Variants in MCTS1 observed in about 807,000 individuals in gnomAD.
MCTS1 encodes the protein MCTS1 re-initiation and release factor.
For synonymous variants in MCTS1, 26 were observed against 40.8 expected, an observed-to-expected ratio of 0.64 and a Z score of 1.38; for missense variants, 55 against 128.6, an observed-to-expected ratio of 0.43 and a Z score of 2.77.
At chrX:120,606,581 C>A (rs958122108) in intron 3 of MCTS1, among the ~76,000 whole-genome samples, 2 of 111,729 alleles carry the variant, frequency 1.8e-5, no homozygotes, top group Non-Finnish European at 3.8e-5. Context: ...ATCAGGAGTT[C>A]GAGACCAGCC....
chrX:120,610,536 C>A (rs1476814429), intron 4 of MCTS1, among the ~76,000 whole-genome samples: 1 of 111,804 alleles, frequency 8.9e-6, no homozygotes, highest in Non-Finnish European at 1.9e-5. Context: ...TTGCTTGAAC[C>A]CGGGAGGCAG....
Position 120,620,504 on chromosome X carries a change from C to T in MCTS1, c.*8240C>T, listed in dbSNP as rs1927000805. On this transcript the variant is annotated 3_prime_UTR_variant, in exon 6 of 6. Coordinates refer to ENST00000371317, the MANE Select transcript of MCTS1 (RefSeq NM_014060.3). ...AAAAAATTAGCCGGGCGTGGTGGCG[C>T]GTGCCTGTAATCCCAGCTACACAGG... is the stretch of plus-strand genomic sequence containing the variant. 1.0e-5 allele frequency: 1 copy of T among 100,231 alleles called. No homozygotes were observed. Among genetic ancestry groups the T allele is most frequent in the South Asian group, 4.7e-4 (1 of 2,146 alleles). The allele number at this position is 100,231 out of a possible 1,213,427, so 8.3% of individuals were successfully genotyped here. A position where few individuals can be genotyped will look rare whatever the true frequency, so the allele number is the denominator to read the frequency against.
chrX:120,607,564 G>C (rs1460154062), intron 3 of MCTS1, among the ~76,000 whole-genome samples: 1 of 110,895 alleles, frequency 9.0e-6, no homozygotes, highest in Non-Finnish European at 1.9e-5. Flanking sequence ...CCCCAGTTCA[G>C]ATTCCCCTAT....
chrX:120,609,564 A>AT (rs909219036), intron 4 of MCTS1, among the ~76,000 whole-genome samples: 1 of 111,744 alleles, frequency 8.9e-6, no homozygotes, highest in Admixed American at 9.5e-5. Context: ...TATAAGTAGT[A>AT]TGTTTATATT....
In MCTS1 at chrX:120,618,293, A is replaced by G. The variant is rs2147378767; in HGVS notation, c.*6029A>G. On this transcript the variant is annotated 3_prime_UTR_variant, in exon 6 of 6. Coordinates refer to ENST00000371317, the MANE Select transcript of MCTS1 (RefSeq NM_014060.3). ...TTTTTAGTTTCTCATGATGTGAAAG[A>G]TTTTGTATGCACGTCTTAGTCTGGA... Among the ~76,000 whole-genome samples the G allele has an allele frequency of 8.9e-6, 1 of 112,500 alleles. No homozygotes were observed. Among genetic ancestry groups the G allele is most frequent in the South Asian group, 3.6e-4 (1 of 2,767 alleles).
Position 120,617,121 on chromosome X carries a change from A to G in MCTS1, c.*4857A>G, listed in dbSNP as rs182803026. On this transcript the variant is annotated 3_prime_UTR_variant, in exon 6 of 6. Transcript: ENST00000371317. ...ACATCTTAATATCAATATATGCTAAATTGGTTTATCTTTAGGCAGAAACAG... is the reference window on the plus strand; with the variant it reads ...ACATCTTAATATCAATATATGCTAAGTTGGTTTATCTTTAGGCAGAAACAG... Among the ~76,000 whole-genome samples, 1 of 112,497 alleles carries G rather than the reference A, an allele frequency of 8.9e-6. No homozygotes were observed. The highest frequency in any genetic ancestry group is 2.8e-4 in the East Asian group (1 of 3,599).
At chrX:120,609,222 G>A (rs969273204) in intron 4 of MCTS1, among the ~76,000 whole-genome samples, 1 of 111,688 alleles carries the variant, frequency 9.0e-6, no homozygotes, top group Non-Finnish European at 1.9e-5. Flanking sequence ...TCGCTCTGTC[G>A]TCCAAGCTGG....
Position 120,620,851 on chromosome X carries a change from AAAAT to A in MCTS1, c.*8593_*8596del, listed in dbSNP as rs1927016529. On this transcript the variant is annotated 3_prime_UTR_variant, in exon 6 of 6. Coordinates refer to ENST00000371317, the MANE Select transcript of MCTS1 (RefSeq NM_014060.3). The stretch of plus-strand genomic sequence containing the variant: ...TTCCATTGCATTCAAGAAAATCAGA[AAAAT>A]AAATACAACTTTTAGAAGAAACTAA... 1 of 111,695 alleles carries A rather than the reference AAAAT, an allele frequency of 9.0e-6. No homozygotes were observed. Among genetic ancestry groups the A allele is most frequent in the Admixed American group, 9.6e-5 (1 of 10,467 alleles). 9.2% of individuals were successfully genotyped at this position (111,695 alleles called of 1,213,427 possible).
chrX:120,608,756 C>T (rs1243310760), intron 4 of MCTS1, among the ~76,000 whole-genome samples: 2 of 112,071 alleles, frequency 1.8e-5, no homozygotes, highest in Admixed American at 9.5e-5. Context: ...TACTGACATA[C>T]GTTGGAGTGA....
chrX:120,610,801 G>A (rs1926667784), intron 4 of MCTS1: 1 of 349,373 alleles, frequency 2.9e-6, no homozygotes, highest in Non-Finnish European at 5.0e-6. Flanking sequence ...GGGGTTATTA[G>A]ATTTATTCAT....
In MCTS1 at chrX:120,605,440, C is replaced by A. The variant is rs747315087; in HGVS notation, c.45C>A (p.Ile15=). ...FDEKENVSNC[I]QLKTSVIKGI... ...AAAAAGAAAATGTGTCCAACTGCAT[C>A]CAGTTGAAAACTTCAGTTATTAAGG... The change falls in exon 2 of 6, where the codon ATC becomes ATA. Residue 15 remains isoleucine, a synonymous_variant. Coordinates refer to ENST00000371317, the MANE Select transcript of MCTS1 (RefSeq NM_014060.3). 1 of 1,181,520 alleles carries A rather than the reference C, an allele frequency of 8.5e-7. No homozygotes were observed. The highest frequency in any genetic ancestry group is 1.1e-6 in the Non-Finnish European group (1 of 884,444).
intron 5 of MCTS1, among the ~76,000 whole-genome samples, chrX:120,611,720 A>G (rs1425261422): frequency 8.9e-6 from 1 of 112,394 alleles, no homozygotes; most frequent in Non-Finnish European, 1.9e-5. Flanking sequence ...GCACCTGGTC[A>G]TTACTGCTAG....
chrX:120,612,092 A>G (rs950394870), intron 5 of MCTS1, 91 bp from the exon 6 acceptor site: 3 of 702,204 alleles, frequency 4.3e-6, no homozygotes, highest in Non-Finnish European at 6.5e-6. Flanking sequence ...TAATAATTAA[A>G]AAATAACAAT....
At position 120,618,789 on chromosome X, in the gene MCTS1, T is replaced by C. The variant is rs1359855934; in HGVS notation, c.*6525T>C. On this transcript the variant is annotated 3_prime_UTR_variant, in exon 6 of 6. Transcript: ENST00000371317. ...TTCACAAGGTTAAAATTTTGTATTT[T>C]GTAAAGTGTCTGAAAAGGAGTCCAC... Among the ~76,000 whole-genome samples, 1 of 112,458 alleles carries C rather than the reference T, an allele frequency of 8.9e-6. No individual in the cohort carries two copies. Among genetic ancestry groups the C allele is most frequent in the Non-Finnish European group, 1.9e-5 (1 of 53,368 alleles).
At chrX:120,612,126 G>A (rs1926701053) in intron 5 of MCTS1, 57 bp from the exon 6 acceptor site, 10 of 846,866 alleles carry the variant, frequency 1.2e-5, no homozygotes, top group South Asian at 2.2e-5. Context: ...TATTTATCAC[G>A]AGTAAGACTA....
intron 1 of MCTS1, chrX:120,604,951 C>A: frequency 2.0e-6 from 2 of 1,022,501 alleles, no homozygotes; most frequent in Non-Finnish European, 2.6e-6. Context: ...AAAATCTCAG[C>A]AGATTACATA....
chrX:120,610,940 T>TGAC (rs1440516687), intron 4 of MCTS1, 71 bp from the exon 5 acceptor site: 9 of 1,091,610 alleles, frequency 8.2e-6, no homozygotes, highest in Non-Finnish European at 1.0e-5. Flanking sequence ...GATCATTATT[T>TGAC]GACACCCTTC....
rs186248794 is a variant in MCTS1, at chrX:120,606,162, G to A, written c.248G>A (p.Arg83Lys). 7.0e-5 allele frequency: 79 copies of A among 1,125,114 alleles called. No homozygotes were observed. The Admixed American group carries it at 1.8e-3, about 25-fold the overall frequency. The allele number at this position is 1,125,114 out of a possible 1,213,427, so 92.7% of individuals were successfully genotyped here. A position where few individuals can be genotyped will look rare whatever the true frequency, so the allele number is the denominator to read the frequency against. ...GAAGGGCCTTTTTATCCAACCCTAA[G>A]ATTACTTCACAAATGTAAGGTTTTT... ...QREGPFYPTLRLLHKYPFILP... is the reference protein window; with the variant it reads ...QREGPFYPTLKLLHKYPFILP... The change falls in exon 3 of 6, where the codon AGA becomes AAA. Residue 83 changes from arginine (R) to lysine (K), a missense_variant. By Grantham distance (26) the Arg-to-Lys change is conservative. Transcript: ENST00000371317.
rs1926872401 is a variant in MCTS1 at position 120,616,935 on chromosome X, A to G, written c.*4671A>G. Among the ~76,000 whole-genome samples the G allele has an allele frequency of 8.9e-6, 1 of 112,187 alleles. No homozygotes were observed. The highest frequency in any genetic ancestry group is 2.8e-4 in the East Asian group (1 of 3,610). ...AGCAAACATAGCTAGTAATACTAAC[A>G]GGTGAAAACTGATATTTCAAATGAC... On this transcript the variant is annotated 3_prime_UTR_variant, in exon 6 of 6. Coordinates refer to ENST00000371317, the MANE Select transcript of MCTS1 (RefSeq NM_014060.3).
Sources: gnomAD v4.1 joint callset for allele counts (sites outside exome capture counted in the v4.1 genomes callset) on GRCh38, gnomAD v4.1.1 for gene constraint, MANE v1.5 for transcripts, NCBI Gene and HGNC (gene_info 2026-07-23, HGNC 2026-07-21) for gene names.